Variants in WDFY4 observed in about 807,000 individuals in gnomAD.
WDFY4 encodes the protein WDFY family member 4, also known as WD repeat- and FYVE domain-containing protein 4.
Under a neutral mutation model 351.9 loss-of-function variants are expected in WDFY4, and 169 were observed. The observed-to-expected ratio is 0.48, with a 90% confidence interval of 0.42 to 0.55. WDFY4 has a LOEUF of 0.55. WDFY4 is among the 20% of genes least tolerant of loss of function. WDFY4 has a pLI of 0.00. For missense variants in WDFY4, 3,803 were observed against 3,935.6 expected (o/e 0.97, Z 0.90); for synonymous variants, 1,622 against 1,574.6 (o/e 1.03, Z -0.71).
chr10:48,927,128 G>T (rs1045746240), intron 47 of WDFY4, among the ~76,000 whole-genome samples: 1 of 152,142 alleles, frequency 6.6e-6, no homozygotes, highest in African/African-American at 2.4e-5. Flanking sequence ...GATTTTTACC[G>T]TGTGAGCTCA....
intron 12 of WDFY4, among the ~76,000 whole-genome samples, chr10:48,743,836 A>T (rs1405419931): frequency 1.3e-5 from 2 of 151,972 alleles, no homozygotes; most frequent in African/African-American, 4.8e-5. Context: ...CTCCTTTGGG[A>T]TCTTTACTGT....
chr10:48,875,021 T>C (rs2069940332), intron 41 of WDFY4, 68 bp from the exon 42 acceptor site: 1 of 977,038 alleles, frequency 1.0e-6, no homozygotes, highest in African/African-American at 1.7e-5. Flanking sequence ...ATCTGTGGAA[T>C]TGGAGGTGAG....
chr10:48,876,817 A>T (rs2070032189), intron 42 of WDFY4, among the ~76,000 whole-genome samples: 1 of 152,350 alleles, frequency 6.6e-6, no homozygotes, highest in South Asian at 2.1e-4. Flanking sequence ...CTCCAGGATA[A>T]GTCAACTGGA....
intron 49 of WDFY4, 27 bp from the exon 50 acceptor site, chr10:48,946,013 A>ACAGACCAAATG: frequency 1.3e-6 from 2 of 1,488,696 alleles, no homozygotes; most frequent in South Asian, 2.6e-5. Flanking sequence ...CTGGGGAGTT[A>ACAGACCAAATG]ACTCCAGCTG....
At chr10:48,724,387 A>G (rs895256983) in intron 5 of WDFY4, among the ~76,000 whole-genome samples, 3 of 152,020 alleles carry the variant, frequency 2.0e-5, no homozygotes, top group African/African-American at 7.2e-5. Context: ...TCATTTCCAG[A>G]GGGTAGTGCA....
At chr10:48,978,652 C>T (rs1280923665) in intron 60 of WDFY4, 4 of 415,912 alleles carry the variant, frequency 9.6e-6, no homozygotes, top group South Asian at 4.1e-5. Context: ...CATCACCAAC[C>T]CCTCCATAAT....
intron 43 of WDFY4, among the ~76,000 whole-genome samples, chr10:48,886,538 C>T (rs2070462523): frequency 6.6e-6 from 1 of 152,148 alleles, no homozygotes; most frequent in South Asian, 2.1e-4. Context: ...AAGTTCAGCC[C>T]CATTTCTGTC....
intron 2 of WDFY4, among the ~76,000 whole-genome samples, chr10:48,715,182 T>C (rs1272034250): frequency 6.6e-6 from 1 of 152,236 alleles, no homozygotes; most frequent in African/African-American, 2.4e-5. Flanking sequence ...CCCACAATCT[T>C]GGAAGTGGAT....
intron 19 of WDFY4, among the ~76,000 whole-genome samples, chr10:48,783,162 A>C (rs931729196): frequency 1.3e-5 from 2 of 152,226 alleles, no homozygotes; most frequent in Non-Finnish European, 2.9e-5. Flanking sequence ...GATTGGCTCC[A>C]GGACCCTTCC....
intron 20 of WDFY4, among the ~76,000 whole-genome samples, chr10:48,787,897 CT>C (rs1565198497): frequency 6.9e-4 from 18 of 26,094 alleles, no homozygotes; most frequent in South Asian, 1.4e-3. Flanking sequence ...TCTTCTCCTT[CT>C]TCTTCTTCTT....
At position 48,840,452 on chromosome 10, in the gene WDFY4, C is replaced by G. The variant is rs1004352995; in HGVS notation, c.6663+7743C>G. Among the ~76,000 whole-genome samples, 6 of 150,498 alleles carry G rather than the reference C, an allele frequency of 4.0e-5. No homozygotes were observed. The East Asian group carries it at 5.8e-4, about 15-fold the overall frequency. On this transcript the variant is annotated intron_variant, in intron 39 of 61. Coordinates refer to ENST00000325239, the MANE Select transcript of WDFY4 (RefSeq NM_001394531.1). ...CACACACACACACACACACACCTCTCTCACGCACACACACACACACCCCCA... is the reference window on the plus strand; with the variant it reads ...CACACACACACACACACACACCTCTGTCACGCACACACACACACACCCCCA...
chr10:48,970,310 G>T, intron 57 of WDFY4, 21 bp downstream of exon 57: 1 of 1,547,418 alleles, frequency 6.5e-7, no homozygotes, highest in Non-Finnish European at 8.7e-7. Flanking sequence ...GCTCGTGCAG[G>T]TGCGGTCCTC....
At chr10:48,812,968 C>A (rs2067508591) in intron 30 of WDFY4, among the ~76,000 whole-genome samples, 3 of 152,208 alleles carry the variant, frequency 2.0e-5, no homozygotes, top group African/African-American at 7.2e-5. Flanking sequence ...ATGCTACTTC[C>A]TACTTAGACC....
chr10:48,829,886 G>A (rs1158694510), intron 37 of WDFY4, among the ~76,000 whole-genome samples: 1 of 152,186 alleles, frequency 6.6e-6, no homozygotes, highest in Non-Finnish European at 1.5e-5. Flanking sequence ...GGGCCTCTGT[G>A]TTCTGGTCAG....
At chr10:48,969,038 A>G in intron 55 of WDFY4, 26 bp from the exon 56 acceptor site, 4 of 1,546,908 alleles carry the variant, frequency 2.6e-6, no homozygotes, top group Non-Finnish European at 3.5e-6. Context: ...TCCATGCATA[A>G]GTTCGCCATA....
rs940728012 is a variant in WDFY4 at position 48,731,249 on chromosome 10, G to A, written c.1269G>A (p.Leu423=). The A allele has an allele frequency of 1.3e-6, 2 of 1,551,836 alleles. No individual in the cohort carries two copies. The highest frequency in any genetic ancestry group is 3.9e-5 in the Admixed American group (2 of 50,994). The change falls in exon 9 of 62, where the codon CTG becomes CTA. Residue 423 remains leucine, a synonymous_variant. Transcript: ENST00000325239. ...WAWNARNFFL[L]EWTLQPISQF... ...GGAATGCTCGAAACTTCTTCCTGCT[G>A]GAGTGGACCCTGCAGCCCATCTCGC... is the stretch of plus-strand genomic sequence containing the variant.
chr10:48,932,520 C>T (rs1840076157), intron 47 of WDFY4: 1 of 152,158 alleles, frequency 6.6e-6, no homozygotes, highest in Admixed American at 6.5e-5. Flanking sequence ...GTTCAGTCTC[C>T]TCATTCAGTC....
chr10:48,939,592 G>A (rs962949156), intron 47 of WDFY4, among the ~76,000 whole-genome samples: 9 of 152,204 alleles, frequency 5.9e-5, no homozygotes, highest in African/African-American at 2.2e-4. Context: ...TGATAATGAT[G>A]GATGATGGAT....
At chr10:48,873,182 T>C (rs2069851414) in intron 40 of WDFY4, among the ~76,000 whole-genome samples, 1 of 152,260 alleles carries the variant, frequency 6.6e-6, no homozygotes, top group African/African-American at 2.4e-5. Flanking sequence ...TCCATGCTGA[T>C]GAGCTGCTAC....
Sources: allele counts gnomAD v4.1 joint callset (sites outside exome capture counted in the v4.1 genomes callset), GRCh38; gene constraint gnomAD v4.1.1; transcripts MANE v1.5; gene names NCBI Gene and HGNC (gene_info 2026-07-23, HGNC 2026-07-21).